SWAP70: variants seen among roughly 807,000 people sequenced by gnomAD.
The protein encoded by SWAP70 is switching B cell complex subunit SWAP70.
In SWAP70, 34 loss-of-function variants were observed where a neutral mutation model predicts 80.2. The ratio of observed to expected loss-of-function variants is 0.42; its 90% CI spans 0.32 to 0.56. The LOEUF is 0.56. Among genes scored for constraint, SWAP70 ranks in the 20% least tolerant of loss-of-function variants. The probability of loss-of-function intolerance (pLI) is 0.09; values close to 1 mark genes in which losing one functional copy is unlikely to be tolerated. For synonymous variants in SWAP70, 239 were observed against 238.5 expected (o/e 1.00, Z -0.02); for missense variants, 578 against 690.7 (o/e 0.84, Z 1.83).
rs1590046468 is a variant in SWAP70, at chr11:9,738,160, T to C, written c.1081-53T>C. ...AGTATGACTGTCTCTCTCTCTTTAA[T>C]GTACTTCTACTCTAACACCTGCTTT... On this transcript the variant is annotated intron_variant, in intron 7 of 11. Transcript: ENST00000318950. 8.5e-6 allele frequency: 11 copies of C among 1,299,174 alleles called. No individual in the cohort carries two copies. In the East Asian group the frequency reaches 2.4e-4, roughly 28 times the overall value. 80.5% of individuals were successfully genotyped at this position (1,299,174 alleles called of 1,614,324 possible).
rs535551267 is a variant in SWAP70, at chr11:9,673,829, C to T, written c.99+9551C>T. ...TGCCTTGGGGAGAAAAAGGAGCAGG[C>T]GAAAAAAGGGCAGAAGGTCAGAGAG... On this transcript the variant is annotated intron_variant, in intron 1 of 11. Coordinates refer to ENST00000318950, the MANE Select transcript of SWAP70 (RefSeq NM_015055.4). Among the ~76,000 whole-genome samples the T allele has an allele frequency of 1.1e-4, 16 of 151,532 alleles. No homozygotes were observed. The South Asian group carries it at 1.7e-3, about 16-fold the overall frequency.
At chr11:9,740,450 C>T (rs1360299952) in intron 9 of SWAP70, 103 bp downstream of exon 9, 4 of 1,236,368 alleles carry the variant, frequency 3.2e-6, no homozygotes, top group Non-Finnish European at 4.8e-6. Context: ...AGTGTCTCTG[C>T]TCTGGCTGTG....
At chr11:9,695,108 A>G (rs557880354) in intron 2 of SWAP70, among the ~76,000 whole-genome samples, 18 of 152,212 alleles carry the variant, frequency 1.2e-4, no homozygotes, top group Admixed American at 2.6e-4. Context: ...GACCAATATG[A>G]TGAAACCCCA....
chr11:9,664,096 T>A lies in SWAP70; in HGVS notation c.-84T>A, dbSNP rs989842514. On this transcript the variant is annotated 5_prime_UTR_variant, in exon 1 of 12. Coordinates refer to ENST00000318950, the MANE Select transcript of SWAP70 (RefSeq NM_015055.4). ...CGGGTCAGGTGACTGCGCGGCGGGC[T>A]GTGGCTGCGGAGGTTGAGGGGCGTC... 3 of 1,313,536 alleles carry A rather than the reference T, an allele frequency of 2.3e-6. No homozygotes were observed. The Admixed American group carries it at 7.4e-5, about 32-fold the overall frequency. 81.4% of individuals were successfully genotyped at this position (1,313,536 alleles called of 1,614,324 possible).
intron 1 of SWAP70, among the ~76,000 whole-genome samples, chr11:9,693,031 G>T (rs360052): frequency 0.31 from 46,852 of 152,044 alleles, 7,424 homozygotes; most frequent in African/African-American, 0.36. Context: ...GATTAAAAAT[G>T]TTTAATCTTA....
At chr11:9,687,346 G>C (rs1850645283) in intron 1 of SWAP70, among the ~76,000 whole-genome samples, 5 of 152,138 alleles carry the variant, frequency 3.3e-5, no homozygotes, top group Admixed American at 3.3e-4. Context: ...CAATCCAAAA[G>C]TTAAAGGTCC....
At chr11:9,697,850 A>G (rs1565118658) in intron 2 of SWAP70, among the ~76,000 whole-genome samples, 1 of 152,144 alleles carries the variant, frequency 6.6e-6, no homozygotes, top group Admixed American at 6.6e-5. Context: ...ATGCTGTCAC[A>G]GCTCCCTGCA....
intron 2 of SWAP70, among the ~76,000 whole-genome samples, chr11:9,710,664 T>C (rs1030086408): frequency 3.3e-5 from 5 of 152,022 alleles, no homozygotes; most frequent in Non-Finnish European, 7.4e-5. Context: ...TGGCTTTTTT[T>C]TTTTTAATTT....
intron 1 of SWAP70, among the ~76,000 whole-genome samples, chr11:9,678,659 T>C (rs1850531242): frequency 6.6e-6 from 1 of 151,560 alleles, no homozygotes; most frequent in South Asian, 2.1e-4. Flanking sequence ...CTTTGGGGTC[T>C]CATCACAGTC....
intron 1 of SWAP70, among the ~76,000 whole-genome samples, chr11:9,667,182 A>G (rs1422431292): frequency 6.6e-6 from 1 of 151,910 alleles, no homozygotes; most frequent in African/African-American, 2.4e-5. Context: ...GATTTGTCCA[A>G]AGTCACAGTT....
intron 9 of SWAP70, among the ~76,000 whole-genome samples, chr11:9,746,436 G>A (rs190693878): frequency 4.6e-5 from 7 of 152,292 alleles, no homozygotes; most frequent in East Asian, 3.9e-4. Flanking sequence ...AGAAAAGCAC[G>A]TAGAAGGCAC....
intron 1 of SWAP70, among the ~76,000 whole-genome samples, chr11:9,688,309 CAT>C (rs1250147624): frequency 6.6e-6 from 1 of 152,106 alleles, no homozygotes; most frequent in African/African-American, 2.4e-5. Context: ...AGAGAGAAAT[CAT>C]GTGTGGTAGT....
At chr11:9,707,973 G>T (rs1427081152) in intron 2 of SWAP70, among the ~76,000 whole-genome samples, 2 of 151,994 alleles carry the variant, frequency 1.3e-5, no homozygotes, top group African/African-American at 4.8e-5. Flanking sequence ...TGAGATTTTG[G>T]TGCACCTGTC....
intron 1 of SWAP70, among the ~76,000 whole-genome samples, chr11:9,683,611 C>T (rs575497727): frequency 6.6e-6 from 1 of 152,106 alleles, no homozygotes; most frequent in South Asian, 2.1e-4. Flanking sequence ...AAAAGTGTTA[C>T]CTGTGGGGTG....
At chr11:9,708,947 G>A (rs1850958531) in intron 2 of SWAP70, among the ~76,000 whole-genome samples, 1 of 152,164 alleles carries the variant, frequency 6.6e-6, no homozygotes, top group Non-Finnish European at 1.5e-5. Context: ...CCAGACTAGA[G>A]TGTGAATTTG....
intron 9 of SWAP70, 34 bp downstream of exon 9, chr11:9,740,381 T>TTTGTATGCAG (rs761710864): frequency 9.9e-6 from 16 of 1,609,274 alleles, no homozygotes; most frequent in Non-Finnish European, 1.2e-5. Context: ...TGCCTTTATG[T>TTTGTATGCAG]ACTTTGCCTG....
chr11:9,693,141 G>C (rs1412315383), intron 1 of SWAP70, among the ~76,000 whole-genome samples: 1 of 152,206 alleles, frequency 6.6e-6, no homozygotes, highest in African/African-American at 2.4e-5. Flanking sequence ...AAGGTTAAAT[G>C]TTTAGGGCTG....
intron 2 of SWAP70, among the ~76,000 whole-genome samples, chr11:9,699,942 A>G (rs904793270): frequency 5.9e-5 from 9 of 151,594 alleles, no homozygotes; most frequent in African/African-American, 2.2e-4. Flanking sequence ...AAAATATTAT[A>G]GAACATACTG....
At chr11:9,730,197 T>G (rs1475576096) in intron 6 of SWAP70, among the ~76,000 whole-genome samples, 1 of 152,020 alleles carries the variant, frequency 6.6e-6, no homozygotes, top group Non-Finnish European at 1.5e-5. Flanking sequence ...CACTTATAAA[T>G]AAGAACATGT....
Sources: gnomAD v4.1 joint callset for allele counts (sites outside exome capture counted in the v4.1 genomes callset) on GRCh38, gnomAD v4.1.1 for gene constraint, MANE v1.5 for transcripts, NCBI Gene and HGNC (gene_info 2026-07-23, HGNC 2026-07-21) for gene names.